Variants in NTNG1 observed in about 807,000 individuals in gnomAD.
NTNG1 encodes the protein netrin-G1.
A neutral mutation model predicts 54.0 loss-of-function variants in NTNG1; 16 were observed. The observed-to-expected ratio is 0.30, with a 90% CI of 0.20 to 0.45. The LOEUF (loss-of-function observed/expected upper bound fraction) is 0.45. Among genes scored for constraint, NTNG1 ranks in the 20% least tolerant of loss-of-function variants. The pLI, the probability that NTNG1 is intolerant of heterozygous loss-of-function variation, is 1.00. For synonymous variants in NTNG1, 255 were observed against 263.1 expected, an observed-to-expected ratio of 0.97 and a Z score of 0.30; for missense variants, 530 against 678.7, an observed-to-expected ratio of 0.78 and a Z score of 2.43.
chr1:107,237,398 G>A (rs547611060), intron 2 of NTNG1, among the ~76,000 whole-genome samples: 4 of 152,296 alleles, frequency 2.6e-5, no homozygotes, highest in African/African-American at 9.6e-5. Context: ...TGGAAAATAT[G>A]CAGCCTGACA....
At chr1:107,434,785 T>A (rs895450476) in intron 6 of NTNG1, among the ~76,000 whole-genome samples, 1 of 152,146 alleles carries the variant, frequency 6.6e-6, no homozygotes, top group African/African-American at 2.4e-5. Flanking sequence ...CCTAATTTCA[T>A]GGAATAAAAT....
chr1:107,282,367 C>A (rs547664126), intron 2 of NTNG1, among the ~76,000 whole-genome samples: 31 of 152,182 alleles, frequency 2.0e-4, no homozygotes, highest in Admixed American at 4.6e-4. Context: ...ATCTGCAAAT[C>A]TTTATGTGTA....
Position 107,269,440 on chromosome 1 carries a change from C to G in NTNG1, c.247-54842C>G, listed in dbSNP as rs564745442. Among the ~76,000 whole-genome samples, 17 of 152,254 alleles carry G rather than the reference C, an allele frequency of 1.1e-4. No individual in the cohort carries two copies. In the South Asian group the frequency reaches 3.5e-3, roughly 32 times the overall value. On this transcript the variant is annotated intron_variant, in intron 2 of 7. Coordinates refer to ENST00000370068, the MANE Select transcript of NTNG1 (RefSeq NM_001113226.3). Reference sequence around the variant, plus strand: ...TTTACCCTGCTTTATTGTTTTTCCCCGTAACAGTTACTGCTTTCCGATATA... The same window carrying G: ...TTTACCCTGCTTTATTGTTTTTCCCGGTAACAGTTACTGCTTTCCGATATA...
At chr1:107,142,887 C>T in intron 1 of NTNG1, among the ~76,000 whole-genome samples, 1 of 152,002 alleles carries the variant, frequency 6.6e-6, no homozygotes, top group East Asian at 1.9e-4. Context: ...ACTTTGAATG[C>T]CTTACCCGCC....
At chr1:107,176,465 C>A (rs886465468) in intron 2 of NTNG1, among the ~76,000 whole-genome samples, 1 of 152,078 alleles carries the variant, frequency 6.6e-6, no homozygotes, top group Non-Finnish European at 1.5e-5. Context: ...GTAAGGAATT[C>A]AAGGGTTGCC....
At chr1:107,428,635 C>T (rs1328369213) in intron 5 of NTNG1, among the ~76,000 whole-genome samples, 1 of 152,200 alleles carries the variant, frequency 6.6e-6, no homozygotes, top group East Asian at 1.9e-4. Flanking sequence ...AGGCAGTTCT[C>T]AAAAAGTCCT....
intron 3 of NTNG1, among the ~76,000 whole-genome samples, chr1:107,335,569 GAGA>G (rs1668528729): frequency 6.6e-6 from 1 of 151,968 alleles, no homozygotes; most frequent in Admixed American, 6.6e-5. Context: ...GGCTAATTAT[GAGA>G]AGGAGGAAAA....
chr1:107,177,878 C>T (rs1356144100), intron 2 of NTNG1, among the ~76,000 whole-genome samples: 1 of 152,096 alleles, frequency 6.6e-6, no homozygotes, highest in African/African-American at 2.4e-5. Flanking sequence ...ATTGGTCAAT[C>T]AACTTTCAGG....
chr1:107,379,727 T>G (rs1198960160), intron 3 of NTNG1, among the ~76,000 whole-genome samples: 1 of 152,208 alleles, frequency 6.6e-6, no homozygotes, highest in Non-Finnish European at 1.5e-5. Flanking sequence ...TAATTTGTTA[T>G]TCTTAACAAC....
chr1:107,143,329 G>A (rs1362489583), intron 1 of NTNG1: 1 of 152,044 alleles, frequency 6.6e-6, no homozygotes, highest in Non-Finnish European at 1.5e-5. Context: ...TTAGGAGGAG[G>A]CAAATGTATT....
intron 2 of NTNG1, among the ~76,000 whole-genome samples, chr1:107,179,814 T>C (rs1028620116): frequency 2.0e-5 from 3 of 152,192 alleles, no homozygotes; most frequent in African/African-American, 7.2e-5. Flanking sequence ...TTATCTCCAT[T>C]TCCCTTAGGG....
At chr1:107,327,837 C>A (rs1425871145) in intron 3 of NTNG1, among the ~76,000 whole-genome samples, 1 of 152,074 alleles carries the variant, frequency 6.6e-6, no homozygotes, top group Non-Finnish European at 1.5e-5. Flanking sequence ...AACTGTGAGA[C>A]AGTTGATCTT....
chr1:107,290,973 A>AT (rs1665556609), intron 2 of NTNG1, among the ~76,000 whole-genome samples: 2 of 146,878 alleles, frequency 1.4e-5, no homozygotes, highest in African/African-American at 5.0e-5. Context: ...TTATATATAT[A>AT]TATATATATA....
chr1:107,396,529 T>A lies in NTNG1; in HGVS notation c.1060+1203T>A, dbSNP rs528087418. The stretch of plus-strand genomic sequence containing the variant: ...ACTTCTTGCTCCTAAAATTAATACA[T>A]TAACGCTCTGTTGAGCAGAAACGTG... On this transcript the variant is annotated intron_variant, in intron 4 of 7. Transcript: ENST00000370068. Among the ~76,000 whole-genome samples, 4 of 152,292 alleles carry A rather than the reference T, an allele frequency of 2.6e-5. 1 individual carries two copies. Among genetic ancestry groups the A allele is most frequent in the African/African-American group, 9.6e-5 (4 of 41,578 alleles).
At chr1:107,206,669 T>C (rs1659219345) in intron 2 of NTNG1, among the ~76,000 whole-genome samples, 1 of 152,186 alleles carries the variant, frequency 6.6e-6, no homozygotes, top group African/African-American at 2.4e-5. Context: ...GGATTATTCC[T>C]GAAAAATCAA....
intron 2 of NTNG1, among the ~76,000 whole-genome samples, chr1:107,167,757 GAGT>G (rs1347848357): frequency 6.6e-6 from 1 of 151,970 alleles, no homozygotes; most frequent in Non-Finnish European, 1.5e-5. Context: ...ATGAAAGCGT[GAGT>G]AGATTTTAGA....
chr1:107,386,632 C>T (rs907488315), intron 3 of NTNG1, among the ~76,000 whole-genome samples: 2 of 152,082 alleles, frequency 1.3e-5, no homozygotes, highest in Admixed American at 6.6e-5. Context: ...TTTATCTATT[C>T]ATCAGTTGAT....
intron 3 of NTNG1, among the ~76,000 whole-genome samples, chr1:107,385,827 T>A (rs779617063): frequency 5.3e-5 from 8 of 151,132 alleles, no homozygotes; most frequent in Non-Finnish European, 1.2e-4. Flanking sequence ...GCCATACTTT[T>A]AAGAATTTTG....
At chr1:107,201,617 G>A (rs1658764763) in intron 2 of NTNG1, among the ~76,000 whole-genome samples, 1 of 151,798 alleles carries the variant, frequency 6.6e-6, no homozygotes, top group African/African-American at 2.4e-5. Flanking sequence ...ATTAGGTTGG[G>A]AGGAGAAAGA....
Sources: gnomAD v4.1 joint callset for allele counts (sites outside exome capture counted in the v4.1 genomes callset) on GRCh38, gnomAD v4.1.1 for gene constraint, MANE v1.5 for transcripts, NCBI Gene and HGNC (gene_info 2026-07-23, HGNC 2026-07-21) for gene names.